The following EXOC4 variants were observed in gnomAD, a reference collection of about 807,000 sequenced individuals.
The protein encoded by EXOC4 is SEC8-like 1.
EXOC4 carries 71 observed loss-of-function variants against 107.2 expected under a neutral mutation model. That is an observed-to-expected ratio of 0.66 (90% CI 0.55 to 0.81). The LOEUF (loss-of-function observed/expected upper bound fraction) is 0.81. EXOC4 is among the 30% of genes least tolerant of loss of function. EXOC4 has a pLI of 0.00. For synonymous variants in EXOC4, 456 were observed against 441.2 expected (o/e 1.03, Z -0.42); for missense variants, 1,108 against 1,189.6 (o/e 0.93, Z 1.01).
chr7:133,686,958 CA>C (rs1794313000), intron 10 of EXOC4, among the ~76,000 whole-genome samples: 1 of 151,500 alleles, frequency 6.6e-6, no homozygotes, highest in Non-Finnish European at 1.5e-5. Flanking sequence ...GAAACCAGCC[CA>C]AATGCCTATC....
At chr7:133,467,117 C>T (rs1798749318) in intron 7 of EXOC4, among the ~76,000 whole-genome samples, 1 of 152,048 alleles carries the variant, frequency 6.6e-6, no homozygotes, top group Non-Finnish European at 1.5e-5. Flanking sequence ...TTTATTGTCG[C>T]CATGTGCTAT....
chr7:134,025,155 G>C (rs1287405395), intron 17 of EXOC4, among the ~76,000 whole-genome samples: 1 of 152,046 alleles, frequency 6.6e-6, no homozygotes, highest in Non-Finnish European at 1.5e-5. Flanking sequence ...ATATATTTAT[G>C]TAAAATCTAG....
At chr7:133,424,964 A>C (rs1797691375) in intron 7 of EXOC4, among the ~76,000 whole-genome samples, 1 of 152,222 alleles carries the variant, frequency 6.6e-6, no homozygotes, top group Admixed American at 6.5e-5. Context: ...CTTCAGACTA[A>C]GTTAGTGATG....
At chr7:133,464,022 A>AATATCATAGATATATATTACTG (rs1449685932) in intron 7 of EXOC4, among the ~76,000 whole-genome samples, 1 of 152,214 alleles carries the variant, frequency 6.6e-6, no homozygotes, top group Non-Finnish European at 1.5e-5. Flanking sequence ...ACAGAGAGGT[A>AATATCATAGATATATATTACTG]ATATCATAGA....
At chr7:134,091,689 A>G in the EXOC4 span, among the ~76,000 whole-genome samples, 3 of 152,212 alleles carry the variant, frequency 2.0e-5, no homozygotes, top group Non-Finnish European at 2.9e-5. Context: ...GAAGGCTTCC[A>G]AAAGGCAGGA....
intron 10 of EXOC4, among the ~76,000 whole-genome samples, chr7:133,758,121 T>G (rs1489637212): frequency 6.6e-6 from 1 of 152,156 alleles, no homozygotes; most frequent in African/African-American, 2.4e-5. Flanking sequence ...TAATATGAAA[T>G]AATGAAATCA....
At position 133,289,023 on chromosome 7, in the gene EXOC4, C is replaced by G. The variant is rs529493969; in HGVS notation, c.378C>G (p.Asn126Lys). 2.2e-4 allele frequency: 352 copies of G among 1,614,178 alleles called. 10 individuals carry two copies. The South Asian group carries it at 3.6e-3, about 16-fold the overall frequency. ...GAATTGAGCATAAGCATGTCCTGAA[C>G]TTGTTGGATGAAATTGAGAATATCA... ...IEGIEHKHVLNLLDEIENIKQ... is the reference protein window; with the variant it reads ...IEGIEHKHVLKLLDEIENIKQ... Residue 126 changes from asparagine (N) to lysine (K), a missense_variant, in exon 3 of 18, where the codon AAC becomes AAG. Coordinates refer to ENST00000253861, the MANE Select transcript of EXOC4 (RefSeq NM_021807.4).
intron 15 of EXOC4, among the ~76,000 whole-genome samples, chr7:134,001,145 A>C (rs565421507): frequency 1.8e-3 from 269 of 152,254 alleles, no homozygotes; most frequent in African/African-American, 6.3e-3. Flanking sequence ...CCCATTAAAA[A>C]CTATTGAGGT....
intron 3 of EXOC4, among the ~76,000 whole-genome samples, chr7:133,302,351 T>G (rs1794658439): frequency 6.6e-6 from 1 of 152,180 alleles, no homozygotes; most frequent in African/African-American, 2.4e-5. Flanking sequence ...ACTAGAACAT[T>G]AATATTCTGT....
At chr7:133,707,771 ACG>A (rs2151093215) in intron 10 of EXOC4, among the ~76,000 whole-genome samples, 1 of 152,118 alleles carries the variant, frequency 6.6e-6, no homozygotes, top group East Asian at 1.9e-4. Flanking sequence ...GCACGCCACC[ACG>A]CCTGGCTAAT....
chr7:133,655,049 G>T (rs187545802), intron 10 of EXOC4, among the ~76,000 whole-genome samples: 3 of 152,232 alleles, frequency 2.0e-5, no homozygotes, highest in African/African-American at 7.2e-5. Context: ...GAATGTGAAG[G>T]TCTAGGATAT....
chr7:133,709,365 C>G (rs1794835766), intron 10 of EXOC4, among the ~76,000 whole-genome samples: 2 of 152,212 alleles, frequency 1.3e-5, no homozygotes, highest in Admixed American at 6.5e-5. Context: ...GTGAAGCATC[C>G]TGCAAACTGG....
In EXOC4 at chr7:133,375,002, G is replaced by A; in HGVS notation, c.1182G>A (p.Gln394=). ...DVWVKIQDVL[Q]MLLTEYLDMK... is the part of the protein sequence containing the mutation. ...GGGTGAAGATCCAAGATGTTCTACAGGTAAGAGCCTTTTACAAAGGGTGTC... is the reference window on the plus strand; with the variant it reads ...GGGTGAAGATCCAAGATGTTCTACAAGTAAGAGCCTTTTACAAAGGGTGTC... Residue 394 remains glutamine (Q), a splice_region_variant and synonymous_variant, in exon 7 of 18, where the codon CAG becomes CAA. Transcript: ENST00000253861. 6.2e-7 allele frequency: 1 copy of A among 1,611,214 alleles called. No homozygotes were observed. The highest frequency in any genetic ancestry group is 8.5e-7 in the Non-Finnish European group (1 of 1,178,678).
At chr7:133,724,099 A>T (rs11761280) in intron 10 of EXOC4, among the ~76,000 whole-genome samples, 227 of 152,320 alleles carry the variant, frequency 1.5e-3, no homozygotes, top group Non-Finnish European at 2.8e-3. Context: ...TTAACAGTTT[A>T]ATGATGATAG....
At chr7:133,946,908 C>T (rs1184413458) in intron 14 of EXOC4, among the ~76,000 whole-genome samples, 2 of 152,194 alleles carry the variant, frequency 1.3e-5, no homozygotes, top group Non-Finnish European at 2.9e-5. Flanking sequence ...CCTTGGCTCC[C>T]CAATCATGGT....
intron 17 of EXOC4, among the ~76,000 whole-genome samples, chr7:134,014,709 C>A (rs1369949444): frequency 1.3e-5 from 2 of 151,756 alleles, no homozygotes; most frequent in African/African-American, 2.4e-5. Context: ...GGTTGTACAG[C>A]CCTGTGACTA....
intron 11 of EXOC4, among the ~76,000 whole-genome samples, chr7:133,827,983 C>A (rs1245736862): frequency 6.6e-6 from 1 of 152,144 alleles, no homozygotes; most frequent in African/African-American, 2.4e-5. Flanking sequence ...AGTAAAGGAG[C>A]CCCACTGATG....
intron 7 of EXOC4, among the ~76,000 whole-genome samples, chr7:133,471,024 A>C (rs1798862561): frequency 6.6e-6 from 1 of 152,212 alleles, no homozygotes; most frequent in Non-Finnish European, 1.5e-5. Context: ...TAGGCATCTG[A>C]TGTTTGTGTC....
At chr7:133,261,251 A>T (rs1584757506) in intron 1 of EXOC4, among the ~76,000 whole-genome samples, 1 of 146,890 alleles carries the variant, frequency 6.8e-6, no homozygotes. Flanking sequence ...CTCTTCCTTT[A>T]CATGCCTTGT....
Sources: gnomAD v4.1 joint callset for allele counts (sites outside exome capture counted in the v4.1 genomes callset) on GRCh38, gnomAD v4.1.1 for gene constraint, MANE v1.5 for transcripts, NCBI Gene and HGNC (gene_info 2026-07-23, HGNC 2026-07-21) for gene names.